The following ASIC2 variants were observed in gnomAD, a reference collection of about 807,000 sequenced individuals.
The protein encoded by ASIC2 is acid sensing ion channel subunit 2, also known as acid-sensing ion channel 2.
A neutral mutation model predicts 57.3 loss-of-function variants in ASIC2; 25 were observed. That is an observed-to-expected ratio of 0.44 (90% CI 0.32 to 0.61). ASIC2 has a LOEUF of 0.61. ASIC2 is among the 20% of genes least tolerant of loss of function. ASIC2 has a pLI of 0.06. For missense variants in ASIC2, 641 were observed against 738.1 expected, an observed-to-expected ratio of 0.87 and a Z score of 1.52; for synonymous variants, 319 against 307.5, an observed-to-expected ratio of 1.04 and a Z score of -0.39.
chr17:33,576,304 C>G (rs1916619006), intron 1 of ASIC2, among the ~76,000 whole-genome samples: 1 of 152,180 alleles, frequency 6.6e-6, no homozygotes, highest in South Asian at 2.1e-4. Context: ...AATCCTGTTT[C>G]TAGCCATTTT....
intron 1 of ASIC2, among the ~76,000 whole-genome samples, chr17:33,703,499 C>T (rs959025887): frequency 3.3e-5 from 5 of 151,938 alleles, no homozygotes; most frequent in African/African-American, 1.2e-4. Flanking sequence ...ACTACAGGCA[C>T]AAGCCACCAT....
intron 1 of ASIC2, among the ~76,000 whole-genome samples, chr17:33,381,037 G>A (rs1376991799): frequency 6.6e-6 from 1 of 152,206 alleles, no homozygotes; most frequent in Non-Finnish European, 1.5e-5. Context: ...CTCACAGTTC[G>A]AGATGGCAGG....
intron 1 of ASIC2, among the ~76,000 whole-genome samples, chr17:33,369,004 A>C (rs1299847171): frequency 1.3e-5 from 2 of 152,184 alleles, no homozygotes; most frequent in Non-Finnish European, 2.9e-5. Context: ...CCTGTTCTTG[A>C]AGATGGAGAA....
At chr17:33,153,191 TG>T (rs1904870740) in intron 1 of ASIC2, among the ~76,000 whole-genome samples, 1 of 152,320 alleles carries the variant, frequency 6.6e-6, no homozygotes, top group African/African-American at 2.4e-5. Flanking sequence ...CATAGCCAGG[TG>T]GGGGTAGAGC....
chr17:33,579,664 G>A (rs1027176109), intron 1 of ASIC2, among the ~76,000 whole-genome samples: 1 of 151,924 alleles, frequency 6.6e-6, no homozygotes, highest in Admixed American at 6.6e-5. Flanking sequence ...TGGGCTCCTG[G>A]TCTGGCAGAC....
intron 1 of ASIC2, among the ~76,000 whole-genome samples, chr17:33,129,887 C>T (rs1222890707): frequency 1.3e-5 from 2 of 152,218 alleles, no homozygotes; most frequent in African/African-American, 4.8e-5. Context: ...ATGTAAACTG[C>T]ATGCTGTTTG....
intron 1 of ASIC2, among the ~76,000 whole-genome samples, chr17:33,924,464 C>T (rs1472128243): frequency 6.6e-6 from 1 of 152,194 alleles, no homozygotes; most frequent in Non-Finnish European, 1.5e-5. Flanking sequence ...AATTAGAGGG[C>T]AGAGAAAATG....
intron 1 of ASIC2, among the ~76,000 whole-genome samples, chr17:33,444,579 C>T (rs532030321): frequency 6.7e-6 from 1 of 148,530 alleles, no homozygotes; most frequent in Admixed American, 6.8e-5. Flanking sequence ...CAGGCTCCCT[C>T]CCCCGGTTGG....
chr17:33,197,915 T>C (rs1474309554), intron 1 of ASIC2, among the ~76,000 whole-genome samples: 2 of 152,226 alleles, frequency 1.3e-5, no homozygotes, highest in African/African-American at 4.8e-5. Flanking sequence ...CTTGCAAATA[T>C]TTAGATATGT....
At chr17:33,159,303 T>C (rs1487350366) in intron 1 of ASIC2, among the ~76,000 whole-genome samples, 4 of 152,174 alleles carry the variant, frequency 2.6e-5, no homozygotes, top group Non-Finnish European at 4.4e-5. Context: ...TTCTCTAGTC[T>C]TTCCCCAAAA....
intron 1 of ASIC2, among the ~76,000 whole-genome samples, chr17:33,698,223 G>A (rs1313758307): frequency 6.6e-6 from 1 of 152,134 alleles, no homozygotes; most frequent in Admixed American, 6.5e-5. Context: ...CTATAGTGTA[G>A]CGGTTAAGTG....
intron 1 of ASIC2, among the ~76,000 whole-genome samples, chr17:33,504,484 G>T (rs538601781): frequency 6.6e-6 from 1 of 152,220 alleles, no homozygotes; most frequent in East Asian, 1.9e-4. Context: ...GATTACGGGT[G>T]CGCCACCACC....
chr17:33,637,236 C>T (rs77134765), intron 1 of ASIC2, among the ~76,000 whole-genome samples: 5,674 of 152,180 alleles, frequency 0.037, 136 homozygotes, highest in Non-Finnish European at 0.058. Context: ...TTCTCCCTAC[C>T]TGCCTGTACT....
At chr17:33,451,765 T>A (rs2141990501) in intron 1 of ASIC2, among the ~76,000 whole-genome samples, 1 of 152,322 alleles carries the variant, frequency 6.6e-6, no homozygotes, top group African/African-American at 2.4e-5. Flanking sequence ...TTGGCTTCTC[T>A]CCTTAGTCTC....
chr17:33,986,810 CAGAGCTGGG>C (rs1905835028), intron 1 of ASIC2, among the ~76,000 whole-genome samples: 1 of 152,098 alleles, frequency 6.6e-6, no homozygotes, highest in African/African-American at 2.4e-5. Context: ...AAGTAGCTTA[CAGAGCTGGG>C]ATTTGGATAA....
intron 2 of ASIC2, among the ~76,000 whole-genome samples, chr17:33,095,129 A>G (rs1004227924): frequency 3.9e-5 from 6 of 152,204 alleles, no homozygotes; most frequent in Non-Finnish European, 8.8e-5. Context: ...ATAACTCAAC[A>G]ATTTGCAGTG....
At chr17:33,145,046 T>G (rs1008982358) in intron 1 of ASIC2, among the ~76,000 whole-genome samples, 2 of 152,242 alleles carry the variant, frequency 1.3e-5, no homozygotes, top group African/African-American at 4.8e-5. Context: ...AGACTGGAGT[T>G]GCATTTCAGT....
At chr17:33,970,493 G>A (rs1273001325) in intron 1 of ASIC2, among the ~76,000 whole-genome samples, 2 of 152,198 alleles carry the variant, frequency 1.3e-5, no homozygotes, top group African/African-American at 4.8e-5. Flanking sequence ...ATGGGCAGAG[G>A]AAGTTAAGCA....
chr17:34,156,411 C>T lies in ASIC2; in HGVS notation c.122G>A (p.Arg41Gln). The change falls in exon 1 of 10, where the codon CGG (arginine) becomes CAG (glutamine). Residue 41 changes from arginine to glutamine, a missense_variant. Arg to Gln is a conservative substitution (Grantham distance 43). Transcript: ENST00000359872. The surrounding 1 kb of genome is among the most constrained non-coding windows in gnomAD (Gnocchi z 4.4). ...GAAGGCCACTGCCCACAGCACACGC[C>T]GGATGGTCAGCGGCCCATACACGAA... The T allele has an allele frequency of 6.2e-7, 1 of 1,614,160 alleles. No individual in the cohort carries two copies. The highest frequency in any genetic ancestry group is 8.5e-7 in the Non-Finnish European group (1 of 1,180,034).
Sources: gnomAD v4.1 joint callset for allele counts (sites outside exome capture counted in the v4.1 genomes callset) on GRCh38, gnomAD v4.1.1 for gene constraint, Gnocchi (gnomAD v3.1) non-coding constraint, MANE v1.5 for transcripts, NCBI Gene and HGNC (gene_info 2026-07-23, HGNC 2026-07-21) for gene names.